Variants in C8orf88 observed in about 807,000 individuals in gnomAD.
C8orf88 encodes the protein chromosome 8 open reading frame 88.
Under a neutral mutation model 18.4 loss-of-function variants are expected in C8orf88, and 14 were observed. That is an observed-to-expected ratio of 0.76 (90% CI 0.50 to 1.19). The LOEUF (loss-of-function observed/expected upper bound fraction) is 1.19. C8orf88 is among the 50% of genes most tolerant of loss of function. C8orf88 has a pLI of 0.00. For synonymous variants in C8orf88, 45 were observed against 42.9 expected (o/e 1.05, Z -0.19); for missense variants, 116 against 134.7 (o/e 0.86, Z 0.69).
intron 4 of C8orf88, among the ~76,000 whole-genome samples, chr8:90,967,022 C>G (rs1013194149): frequency 6.6e-6 from 1 of 151,824 alleles, no homozygotes; most frequent in African/African-American, 2.4e-5. Context: ...TTCATCTTTC[C>G]CAACTTAAAT....
At chr8:90,982,669 A>G (rs1811450561) in intron 1 of C8orf88, among the ~76,000 whole-genome samples, 1 of 152,142 alleles carries the variant, frequency 6.6e-6, no homozygotes, top group Admixed American at 6.5e-5. Context: ...CCTTCAATTT[A>G]CAGTAGGAAA....
chr8:90,972,089 C>T (rs1339008632), intron 3 of C8orf88, among the ~76,000 whole-genome samples: 5 of 151,996 alleles, frequency 3.3e-5, no homozygotes, highest in Admixed American at 2.6e-4. Flanking sequence ...AGACATCTAT[C>T]CTTAAAAATA....
intron 4 of C8orf88, among the ~76,000 whole-genome samples, chr8:90,965,950 T>C (rs1811188573): frequency 6.6e-6 from 1 of 151,342 alleles, no homozygotes; most frequent in South Asian, 2.1e-4. Flanking sequence ...ATATCTAACA[T>C]TACACATTAA....
intron 3 of C8orf88, among the ~76,000 whole-genome samples, chr8:90,977,006 CA>C: frequency 6.6e-6 from 1 of 151,946 alleles, no homozygotes; most frequent in Middle Eastern, 3.4e-3. Flanking sequence ...TCTAGCAGAC[CA>C]TATTCCTGGA....
At chr8:90,968,203 G>A (rs1811231157) in intron 4 of C8orf88, among the ~76,000 whole-genome samples, 1 of 151,664 alleles carries the variant, frequency 6.6e-6, no homozygotes, top group South Asian at 2.1e-4. Flanking sequence ...AAAAAATGTG[G>A]TACTGACATA....
intron 1 of C8orf88, among the ~76,000 whole-genome samples, chr8:90,984,103 G>A (rs1006484825): frequency 6.6e-6 from 1 of 152,108 alleles, no homozygotes; most frequent in African/African-American, 2.4e-5. Flanking sequence ...ACTATGCACT[G>A]TTTTTAGAAG....
intron 4 of C8orf88, among the ~76,000 whole-genome samples, chr8:90,970,771 G>C (rs1811270612): frequency 6.6e-6 from 1 of 152,002 alleles, no homozygotes; most frequent in Non-Finnish European, 1.5e-5. Context: ...ATAGCAATAA[G>C]ATAACAGAAC....
chr8:90,976,081 A>C (rs2130319181), intron 3 of C8orf88, among the ~76,000 whole-genome samples: 1 of 152,246 alleles, frequency 6.6e-6, no homozygotes, highest in East Asian at 1.9e-4. Context: ...TCTATCATTA[A>C]AAGAAGCGGA....
At chr8:90,981,765 G>A (rs563698438) in intron 1 of C8orf88, among the ~76,000 whole-genome samples, 6 of 152,080 alleles carry the variant, frequency 3.9e-5, no homozygotes, top group African/African-American at 1.2e-4. Context: ...TAAGTACCTC[G>A]TCATTGCAAC....
intron 4 of C8orf88, among the ~76,000 whole-genome samples, chr8:90,966,174 T>TA (rs1004402595): frequency 2.0e-5 from 3 of 151,444 alleles, no homozygotes; most frequent in African/African-American, 7.3e-5. Context: ...TATGCAGCCA[T>TA]AAAAAATGAT....
rs1431822775 is a variant in C8orf88 at position 90,958,883 on chromosome 8, G to T, written c.*124C>A. 6.7e-6 allele frequency: 4 copies of T among 595,632 alleles called. No individual in the cohort carries two copies. Among genetic ancestry groups the T allele is most frequent in the South Asian group, 2.2e-5 (1 of 45,808 alleles). The allele number at this position is 595,632 out of a possible 1,614,324, so 36.9% of individuals were successfully genotyped here. The stretch of plus-strand genomic sequence containing the variant: ...AAAATAGCTCTTTCTCATTTTTAGA[G>T]AAGTCAAATAGCCAACCATCAAAAT... On this transcript the variant is annotated 3_prime_UTR_variant, in exon 6 of 6. Coordinates refer to ENST00000517562, the MANE Select transcript of C8orf88 (RefSeq NM_001190972.2).
intron 3 of C8orf88, among the ~76,000 whole-genome samples, chr8:90,975,632 G>A (rs1811337346): frequency 2.0e-5 from 3 of 152,000 alleles, no homozygotes; most frequent in African/African-American, 7.2e-5. Flanking sequence ...AAAATAAAAA[G>A]ATTGACCATT....
At chr8:90,967,737 T>C (rs1262103192) in intron 4 of C8orf88, among the ~76,000 whole-genome samples, 3 of 151,790 alleles carry the variant, frequency 2.0e-5, no homozygotes, top group African/African-American at 7.2e-5. Context: ...ATAATGTTTT[T>C]CATTTTCATA....
Position 90,985,139 on chromosome 8 carries a change from G to A in C8orf88, c.-52C>T, listed in dbSNP as rs924961605. 42 of 152,168 alleles carry A rather than the reference G, an allele frequency of 2.8e-4. No homozygotes were observed. The highest frequency in any genetic ancestry group is 8.7e-4 in the African/African-American group (36 of 41,558). The allele number at this position is 152,168 out of a possible 1,614,324, so 9.4% of individuals were successfully genotyped here. On this transcript the variant is annotated 5_prime_UTR_variant, in exon 1 of 6. Coordinates refer to ENST00000517562, the MANE Select transcript of C8orf88 (RefSeq NM_001190972.2). ...CGACTCAAAATCCACGGGGATTTCG[G>A]GGCAGCAGCGTCGCCGCGCTCAGCC... is the stretch of plus-strand genomic sequence containing the variant.
At chr8:90,971,913 C>T (rs531796520) in intron 3 of C8orf88, among the ~76,000 whole-genome samples, 39 of 152,066 alleles carry the variant, frequency 2.6e-4, no homozygotes, top group African/African-American at 7.9e-4. Flanking sequence ...CGCAAGACAT[C>T]AAGATTTCTC....
chr8:90,969,657 A>G (rs746137674), intron 4 of C8orf88, among the ~76,000 whole-genome samples: 1 of 151,936 alleles, frequency 6.6e-6, no homozygotes, highest in East Asian at 1.9e-4. Context: ...AAGTAGTAAC[A>G]GCTTAATGAG....
upstream of C8orf88, chr8:90,985,330 G>A (rs2631019): frequency 1.3e-5 from 2 of 151,246 alleles, no homozygotes; most frequent in Admixed American, 1.3e-4. Context: ...CAGGGCGGGC[G>A]CGGGGCGTGG....
Position 90,978,658 on chromosome 8 carries a change from A to G in C8orf88, c.74-6T>C. On this transcript the variant is annotated splice_region_variant and splice_polypyrimidine_tract_variant and intron_variant, in intron 2 of 5. Coordinates refer to ENST00000517562, the MANE Select transcript of C8orf88 (RefSeq NM_001190972.2). ...GTTGAAAGGGAACACTGCTCCTGTTAGGAGAGGAAGAAAACAATTTCATAG... is the reference window on the plus strand; with the variant it reads ...GTTGAAAGGGAACACTGCTCCTGTTGGGAGAGGAAGAAAACAATTTCATAG... 1 of 1,495,758 alleles carries G rather than the reference A, an allele frequency of 6.7e-7. No individual in the cohort carries two copies. Among genetic ancestry groups the G allele is most frequent in the Non-Finnish European group, 8.9e-7 (1 of 1,119,582 alleles). The allele number at this position is 1,495,758 out of a possible 1,614,324, so 92.7% of individuals were successfully genotyped here.
chr8:90,966,648 A>G (rs941497440), intron 4 of C8orf88, among the ~76,000 whole-genome samples: 1 of 151,680 alleles, frequency 6.6e-6, no homozygotes, highest in South Asian at 2.1e-4. Flanking sequence ...AAATGACTCA[A>G]ATTACTAAAA....
Sources: gnomAD v4.1 joint callset for allele counts (sites outside exome capture counted in the v4.1 genomes callset) on GRCh38, gnomAD v4.1.1 for gene constraint, MANE v1.5 for transcripts, NCBI Gene and HGNC (gene_info 2026-07-23, HGNC 2026-07-21) for gene names.